COL21A1: variants seen among roughly 807,000 people sequenced by gnomAD.
The protein encoded by COL21A1 is collagen alpha-1(XXI) chain.
Under a neutral mutation model 137.9 loss-of-function variants are expected in COL21A1, and 149 were observed. The observed-to-expected ratio is 1.08, with a 90% CI of 0.95 to 1.24. The LOEUF (loss-of-function observed/expected upper bound fraction) is 1.24. Among genes scored for constraint, COL21A1 ranks in the 50% most tolerant of loss-of-function variants. The pLI, the probability that COL21A1 is intolerant of heterozygous loss-of-function variation, is 0.00. For synonymous variants in COL21A1, 456 were observed against 391.5 expected, an observed-to-expected ratio of 1.16 and a Z score of -1.95; for missense variants, 1,167 against 1,158.4, an observed-to-expected ratio of 1.01 and a Z score of -0.11.
rs1774459010 is a variant in COL21A1 at position 56,142,067 on chromosome 6, C to T, written c.1435-84G>A. 3 of 973,906 alleles carry T rather than the reference C, an allele frequency of 3.1e-6. No individual in the cohort carries two copies. The South Asian group carries it at 5.0e-5, about 16-fold the overall frequency. The allele number at this position is 973,906 out of a possible 1,614,324, so 60.3% of individuals were successfully genotyped here. A position where few individuals can be genotyped will look rare whatever the true frequency, so the allele number is the denominator to read the frequency against. On this transcript the variant is annotated intron_variant, in intron 10 of 29. Coordinates refer to ENST00000244728, the MANE Select transcript of COL21A1 (RefSeq NM_030820.4). ...TCTTCGTTTCAGAATTCACTCTTAT[C>T]TCAAGTTTCTCATGCCTAAAACTTC...
At chr6:56,068,851 T>C in intron 22 of COL21A1, 195 bp downstream of exon 22, 1 of 478,776 alleles carries the variant, frequency 2.1e-6, no homozygotes, top group Non-Finnish European at 3.6e-6. Context: ...TAGGAGACAA[T>C]ACCCATGTGG....
chr6:56,081,351 C>T (rs1456214891), intron 17 of COL21A1, among the ~76,000 whole-genome samples: 1 of 151,582 alleles, frequency 6.6e-6, no homozygotes, highest in Non-Finnish European at 1.5e-5. Context: ...GTCCCCCACT[C>T]GGGGACGCCA....
At chr6:56,112,874 G>A (rs1041164259) in intron 16 of COL21A1, among the ~76,000 whole-genome samples, 25 of 151,858 alleles carry the variant, frequency 1.6e-4, no homozygotes, top group African/African-American at 5.8e-4. Flanking sequence ...AGTAGAGATG[G>A]GGTTTCTCCA....
At chr6:56,243,384 AAATT>A (rs1243913623) in intron 1 of COL21A1, among the ~76,000 whole-genome samples, 10 of 152,280 alleles carry the variant, frequency 6.6e-5, no homozygotes, top group African/African-American at 2.4e-4. Context: ...ATGTTGTTCT[AAATT>A]TATTATTTTC....
chr6:56,132,686 C>A (rs2152224597), intron 12 of COL21A1, among the ~76,000 whole-genome samples: 1 of 152,262 alleles, frequency 6.6e-6, no homozygotes. Context: ...TGTCCCCACC[C>A]AAATCTCATT....
intron 1 of COL21A1, among the ~76,000 whole-genome samples, chr6:56,207,589 C>T (rs1478097434): frequency 2.0e-5 from 3 of 152,076 alleles, no homozygotes; most frequent in Non-Finnish European, 4.4e-5. Flanking sequence ...GATTCACAGC[C>T]GAATTCTGCC....
intron 1 of COL21A1, among the ~76,000 whole-genome samples, chr6:56,391,871 T>A (rs1337349986): frequency 2.0e-5 from 3 of 151,900 alleles, no homozygotes; most frequent in African/African-American, 7.3e-5. Context: ...AATTAAAAAG[T>A]CTCCCAGCAA....
rs1773470894 is a variant in COL21A1, at chr6:56,130,477, A to G, written c.1543-4328T>C. ...AGCTGGGTAATGAATGTTTAATAAA[A>G]CTATAGAAGAAAGAGGTAAGCTGAG... On this transcript the variant is annotated intron_variant, in intron 12 of 29. Transcript: ENST00000244728. Among the ~76,000 whole-genome samples the G allele has an allele frequency of 3.3e-5, 5 of 152,006 alleles. No homozygotes were observed. The South Asian group carries it at 1.0e-3, about 31-fold the overall frequency.
chr6:56,216,307 A>G (rs554211582), intron 1 of COL21A1, among the ~76,000 whole-genome samples: 1 of 152,196 alleles, frequency 6.6e-6, no homozygotes, highest in African/African-American at 2.4e-5. Context: ...GACCAACATT[A>G]TTATTTTTGG....
intron 1 of COL21A1, among the ~76,000 whole-genome samples, chr6:56,202,587 A>G (rs1161457108): frequency 1.3e-5 from 2 of 152,068 alleles, no homozygotes; most frequent in African/African-American, 4.8e-5. Flanking sequence ...CTCATCTCAC[A>G]CTTAGTCTAC....
At chr6:56,284,964 C>A (rs553316183) in intron 1 of COL21A1, among the ~76,000 whole-genome samples, 2 of 152,084 alleles carry the variant, frequency 1.3e-5, no homozygotes, top group South Asian at 4.2e-4. Context: ...CTTTTTAAGC[C>A]CCCAGGTGAT....
intron 1 of COL21A1, among the ~76,000 whole-genome samples, chr6:56,306,996 C>G (rs1016731846): frequency 2.6e-5 from 4 of 152,174 alleles, no homozygotes; most frequent in African/African-American, 9.7e-5. Flanking sequence ...CACTCCACAC[C>G]CTGTTTGCCT....
intron 17 of COL21A1, chr6:56,078,168 G>A (rs1437488957): frequency 4.4e-6 from 2 of 455,758 alleles, no homozygotes; most frequent in Non-Finnish European, 8.8e-6. Flanking sequence ...CTTTCACGTG[G>A]CTGAACTCAT....
upstream of COL21A1, among the ~76,000 whole-genome samples, chr6:56,251,158 G>A (rs1782843328): frequency 6.6e-6 from 1 of 152,118 alleles, no homozygotes; most frequent in African/African-American, 2.4e-5. Context: ...TTGATATATT[G>A]CTCTCTTAGA....
rs1562127731 is a variant in COL21A1 at position 56,057,769 on chromosome 6, T to A, written c.2762A>T (p.His921Leu). The A allele has an allele frequency of 6.2e-7, 1 of 1,610,450 alleles. No individual in the cohort carries two copies. The highest frequency in any genetic ancestry group is 2.2e-5 in the East Asian group (1 of 44,588). Reference protein sequence around the residue: ...DPGLPGKDGDHGKPGIQGQPG... With the variant: ...DPGLPGKDGDLGKPGIQGQPG... Reference sequence around the variant, plus strand: ...TTGCCCTTGGATTCCAGGTTTTCCATGGTCTCCATCTTTGCCAGGGAGACC... The same window carrying A: ...TTGCCCTTGGATTCCAGGTTTTCCAAGGTCTCCATCTTTGCCAGGGAGACC... The change falls in exon 30 of 30, where the codon CAT (histidine) becomes CTT (leucine). Residue 921 changes from histidine (H) to leucine (L), a missense_variant. Transcript: ENST00000244728.
At chr6:56,285,828 C>T (rs996197718) in intron 1 of COL21A1, among the ~76,000 whole-genome samples, 1 of 148,888 alleles carries the variant, frequency 6.7e-6, no homozygotes, top group Non-Finnish European at 1.5e-5. Flanking sequence ...ATCCTGAAGG[C>T]ACAGTCTTTG....
intron 1 of COL21A1, among the ~76,000 whole-genome samples, chr6:56,291,626 A>G (rs964902177): frequency 6.6e-6 from 1 of 152,236 alleles, no homozygotes; most frequent in Non-Finnish European, 1.5e-5. Context: ...TGGAGTTGAG[A>G]GGCAATAGCT....
intron 1 of COL21A1, among the ~76,000 whole-genome samples, chr6:56,314,989 C>T (rs1301542641): frequency 6.6e-6 from 1 of 152,160 alleles, no homozygotes; most frequent in African/African-American, 2.4e-5. Flanking sequence ...GGTGTTACCG[C>T]AAACGCAGAC....
At chr6:56,305,017 T>C (rs920231181) in intron 1 of COL21A1, among the ~76,000 whole-genome samples, 1 of 152,246 alleles carries the variant, frequency 6.6e-6, no homozygotes, top group African/African-American at 2.4e-5. Flanking sequence ...GAGCAGGTTG[T>C]TCAGTTTCCA....
Sources: allele counts gnomAD v4.1 joint callset (sites outside exome capture counted in the v4.1 genomes callset), GRCh38; gene constraint gnomAD v4.1.1; transcripts MANE v1.5; gene names NCBI Gene and HGNC (gene_info 2026-07-23, HGNC 2026-07-21).